Variants in ESYT2 observed in about 807,000 individuals in gnomAD.
The protein encoded by ESYT2 is extended synaptotagmin 2.
ESYT2 carries 54 observed loss-of-function variants against 107.2 expected under a neutral mutation model. That is an observed-to-expected ratio of 0.50 (90% CI 0.40 to 0.63). The LOEUF (loss-of-function observed/expected upper bound fraction) is 0.63, where lower values mean the gene tolerates loss of function less well. ESYT2 is among the 30% of genes least tolerant of loss of function. The pLI is 0.00. For missense variants in ESYT2, 1,020 were observed against 1,094.5 expected (o/e 0.93, Z 0.96); for synonymous variants, 491 against 434.1 (o/e 1.13, Z -1.63).
chr7:158,746,079 G>A (rs73519504), intron 16 of ESYT2, among the ~76,000 whole-genome samples: 3,172 of 152,164 alleles, frequency 0.021, 109 homozygotes, highest in African/African-American at 0.071. Context: ...GACTTATTAG[G>A]AAGAAGAAGA....
intron 21 of ESYT2, among the ~76,000 whole-genome samples, chr7:158,735,095 G>A (rs776399692): frequency 5.3e-5 from 8 of 152,184 alleles, no homozygotes; most frequent in Admixed American, 1.3e-4. Context: ...AATGATGCCC[G>A]TGACTCAAAT....
intron 16 of ESYT2, among the ~76,000 whole-genome samples, chr7:158,746,255 C>CAT (rs1554581027): frequency 1.8e-3 from 269 of 151,152 alleles, no homozygotes; most frequent in African/African-American, 6.1e-3. Flanking sequence ...CACACACACA[C>CAT]GCCCCTCCAA....
chr7:158,814,344 T>A (rs1475319812), intron 1 of ESYT2, among the ~76,000 whole-genome samples: 26 of 2,716 alleles, frequency 9.6e-3, no homozygotes, highest in East Asian at 0.044. Context: ...TATATATATA[T>A]ATGAAATAAT....
chr7:158,734,310 T>C, intron 22 of ESYT2, 58 bp from the exon 23 acceptor site: 1 of 1,613,224 alleles, frequency 6.2e-7, no homozygotes, highest in African/African-American at 1.3e-5. Context: ...AGGAAAAGCC[T>C]ATCAGATACG....
At chr7:158,792,970 A>G (rs994672806) in intron 4 of ESYT2, among the ~76,000 whole-genome samples, 2 of 151,764 alleles carry the variant, frequency 1.3e-5, no homozygotes, top group Non-Finnish European at 2.9e-5. Flanking sequence ...GGGTTTCACC[A>G]TGTTAGCCAC....
chr7:158,764,621 A>G, intron 9 of ESYT2, 56 bp downstream of exon 9: 16 of 1,567,716 alleles, frequency 1.0e-5, no homozygotes, highest in Non-Finnish European at 1.4e-5. Context: ...GAGCTTGGCC[A>G]TCCCGCTCAG....
At chr7:158,747,353 A>G (rs1279520337) in intron 16 of ESYT2, among the ~76,000 whole-genome samples, 1 of 152,086 alleles carries the variant, frequency 6.6e-6, no homozygotes, top group Non-Finnish European at 1.5e-5. Flanking sequence ...CTCAGAAAGA[A>G]TGAAACATTA....
chr7:158,742,936 A>G (rs73517566), intron 17 of ESYT2, among the ~76,000 whole-genome samples: 20,976 of 152,106 alleles, frequency 0.14, 2,368 homozygotes, highest in East Asian at 0.56. Flanking sequence ...GGCTGTTCCC[A>G]TTGCCCCCTC....
intron 1 of ESYT2, among the ~76,000 whole-genome samples, chr7:158,820,035 G>T (rs539632407): frequency 2.0e-5 from 3 of 152,302 alleles, no homozygotes; most frequent in East Asian, 3.9e-4. Context: ...CGTGGGATGT[G>T]CTTCTTACTT....
intron 6 of ESYT2, among the ~76,000 whole-genome samples, chr7:158,786,081 T>C (rs1369333631): frequency 6.6e-6 from 1 of 152,204 alleles, no homozygotes; most frequent in African/African-American, 2.4e-5. Flanking sequence ...TTACTCACCA[T>C]ATAAGGAAAT....
chr7:158,739,236 AATT>A, intron 18 of ESYT2, 115 bp from the exon 19 acceptor site: 1 of 833,838 alleles, frequency 1.2e-6, no homozygotes, highest in Non-Finnish European at 1.8e-6. Flanking sequence ...AAAGAAGTCA[AATT>A]ACCCATGAAC....
intron 1 of ESYT2, among the ~76,000 whole-genome samples, chr7:158,824,987 C>T (rs574584299): frequency 1.3e-5 from 2 of 152,150 alleles, no homozygotes; most frequent in East Asian, 1.9e-4. Flanking sequence ...CAGCGAGAAC[C>T]GCCTCTCTTT....
chr7:158,733,623 ATACTT>A lies in ESYT2; in HGVS notation c.*579_*583del, dbSNP rs1332230259. 1 of 152,232 alleles carries A rather than the reference ATACTT, an allele frequency of 6.6e-6. No homozygotes were observed. Among genetic ancestry groups the A allele is most frequent in the African/African-American group, 2.4e-5 (1 of 41,452 alleles). 9.4% of individuals were successfully genotyped at this position (152,232 alleles called of 1,614,324 possible). A position where few individuals can be genotyped will look rare whatever the true frequency, so the allele number is the denominator to read the frequency against. On this transcript the variant is annotated 3_prime_UTR_variant, in exon 23 of 23. Coordinates refer to ENST00000275418, the MANE Select transcript of ESYT2 (RefSeq NM_001367773.1). ...ATTTATGAAAATGTTAATATTTTGA[ATACTT>A]TATTTCATCTTTCATAATGGGCAGA... is the stretch of plus-strand genomic sequence containing the variant.
intron 16 of ESYT2, among the ~76,000 whole-genome samples, chr7:158,744,926 A>T (rs1161138388): frequency 6.6e-6 from 1 of 152,230 alleles, no homozygotes; most frequent in African/African-American, 2.4e-5. Context: ...GAACTTTAAA[A>T]ATTATTTTTA....
At chr7:158,821,016 A>C (rs1455310979) in intron 1 of ESYT2, among the ~76,000 whole-genome samples, 1 of 152,220 alleles carries the variant, frequency 6.6e-6, no homozygotes, top group Non-Finnish European at 1.5e-5. Context: ...CTTACATATA[A>C]ATTGGACTAG....
At chr7:158,751,938 C>T (rs1837601025) in intron 14 of ESYT2, among the ~76,000 whole-genome samples, 1 of 152,178 alleles carries the variant, frequency 6.6e-6, no homozygotes, top group Non-Finnish European at 1.5e-5. Flanking sequence ...CCCCTAGTAA[C>T]CCACAACTTA....
chr7:158,762,641 T>C (rs528433707), intron 10 of ESYT2, among the ~76,000 whole-genome samples: 6 of 152,340 alleles, frequency 3.9e-5, no homozygotes, highest in African/African-American at 1.4e-4. Context: ...CAAACCAGTA[T>C]TTATTTTCCC....
chr7:158,782,471 T>C lies in ESYT2; in HGVS notation c.747+5533A>G, dbSNP rs1008449999. Among the ~76,000 whole-genome samples, 15 of 140,950 alleles carry C rather than the reference T, an allele frequency of 1.1e-4. No homozygotes were observed. In the East Asian group the frequency reaches 3.6e-3, roughly 34 times the overall value. 92.5% of individuals were successfully genotyped at this position (140,950 alleles called of 152,430 possible). A position where few individuals can be genotyped will look rare whatever the true frequency, so the allele number is the denominator to read the frequency against. On this transcript the variant is annotated intron_variant, in intron 6 of 22. Coordinates refer to ENST00000275418, the MANE Select transcript of ESYT2 (RefSeq NM_001367773.1). ...ACGAGAACAAGTGAGTGAACGAGTG[T>C]GAGAACAGTGAGAGGTGTGTGTGAA...
At chr7:158,816,315 A>G (rs374019091) in intron 1 of ESYT2, among the ~76,000 whole-genome samples, 21 of 152,130 alleles carry the variant, frequency 1.4e-4, no homozygotes, top group African/African-American at 5.1e-4. Context: ...ACACAACCAC[A>G]CTCCAGCCTA....
Sources: allele counts gnomAD v4.1 joint callset (sites outside exome capture counted in the v4.1 genomes callset), GRCh38; gene constraint gnomAD v4.1.1; transcripts MANE v1.5; gene names NCBI Gene and HGNC (gene_info 2026-07-23, HGNC 2026-07-21).